PRKN: variants seen among roughly 807,000 people sequenced by gnomAD.
PRKN encodes the protein E3 ubiquitin-protein ligase parkin.
In PRKN, 56 loss-of-function variants were observed where a neutral mutation model predicts 59.5. The observed-to-expected ratio is 0.94, with a 90% CI of 0.76 to 1.18. The LOEUF (loss-of-function observed/expected upper bound fraction) is 1.18, where lower values mean the gene tolerates loss of function less well. Ranked by LOEUF, PRKN falls within the 50% of genes most tolerant of loss-of-function variation. The pLI is 0.00. For synonymous variants in PRKN, 250 were observed against 222.1 expected (o/e 1.13, Z -1.12); for missense variants, 657 against 596.4 (o/e 1.10, Z -1.06).
chr6:161,695,726 C>T (rs1292957678), intron 7 of PRKN, among the ~76,000 whole-genome samples: 4 of 152,066 alleles, frequency 2.6e-5, no homozygotes, highest in Non-Finnish European at 5.9e-5. Flanking sequence ...AGATGAGAGA[C>T]AGGGTGAGGA....
At position 161,579,156 on chromosome 6, in the gene PRKN, G is replaced by A. The variant is rs183550154; in HGVS notation, c.872-9740C>T. Among the ~76,000 whole-genome samples the A allele has an allele frequency of 2.1e-3, 314 of 152,350 alleles. 2 individuals are homozygous for A. Among genetic ancestry groups the A allele is most frequent in the African/African-American group, 7.1e-3 (297 of 41,582 alleles). On this transcript the variant is annotated intron_variant, in intron 7 of 11. Coordinates refer to ENST00000366898, the MANE Select transcript of PRKN (RefSeq NM_004562.3). The surrounding 1 kb of genome is among the most constrained non-coding windows in gnomAD (Gnocchi z 4.2). ...GAAAGGAAAGGGAGGAAGTGAAGGA[G>A]ATGGAATTTTGTGCTCTCTTTAATA...
intron 6 of PRKN, among the ~76,000 whole-genome samples, chr6:161,814,539 G>A (rs1192845780): frequency 6.6e-6 from 1 of 152,200 alleles, no homozygotes; most frequent in East Asian, 1.9e-4. Flanking sequence ...TTTCACTCTT[G>A]TTGCCCAGGC....
At chr6:161,698,665 T>C (rs773155388) in intron 7 of PRKN, among the ~76,000 whole-genome samples, 1 of 152,088 alleles carries the variant, frequency 6.6e-6, no homozygotes, top group Non-Finnish European at 1.5e-5. Flanking sequence ...ACCTCACATA[T>C]ATGGACAATT....
At chr6:161,858,857 A>ATTTTTTTTTTTTT (rs1491531194) in intron 6 of PRKN, among the ~76,000 whole-genome samples, 1 of 55,962 alleles carries the variant, frequency 1.8e-5, no homozygotes, top group South Asian at 7.0e-4. Flanking sequence ...GCACAGCTGT[A>ATTTTTTTTTTTTT]CTTTTTTTTT....
rs1232221488 is a variant in PRKN, at chr6:161,545,251, T to C, written c.1083+3603A>G. 5.7e-6 allele frequency: 8 copies of C among 1,395,026 alleles called. No homozygotes were observed. The East Asian group carries it at 1.8e-4, about 32-fold the overall frequency. The allele number at this position is 1,395,026 out of a possible 1,614,324, so 86.4% of individuals were successfully genotyped here. On this transcript the variant is annotated intron_variant, in intron 9 of 11. Coordinates refer to ENST00000366898, the MANE Select transcript of PRKN (RefSeq NM_004562.3). This position sits in a 1 kb window ranked among gnomAD's most constrained non-coding sequence, Gnocchi z 4.1. ...TTAAGCACGGGTGAATTCACAGGCA[T>C]CTTACAATAAATCTGTGAACCACAT...
At chr6:161,472,101 T>C (rs1790821472) in intron 9 of PRKN, among the ~76,000 whole-genome samples, 1 of 152,208 alleles carries the variant, frequency 6.6e-6, no homozygotes, top group South Asian at 2.1e-4. Flanking sequence ...GTAGAGTTGG[T>C]AATCTTCTTC....
chr6:161,867,526 T>C (rs1264271648), intron 6 of PRKN, among the ~76,000 whole-genome samples: 1 of 152,112 alleles, frequency 6.6e-6, no homozygotes. Context: ...TTCTAAATTA[T>C]GGAAAAGCAG....
At chr6:162,049,894 C>T (rs1356431806) in intron 5 of PRKN, among the ~76,000 whole-genome samples, 1 of 152,148 alleles carries the variant, frequency 6.6e-6, no homozygotes, top group Non-Finnish European at 1.5e-5. Context: ...TAAGCTTGTA[C>T]TGCAGGAGCC....
chr6:162,467,768 A>G (rs1345120899), intron 1 of PRKN, among the ~76,000 whole-genome samples: 1 of 152,058 alleles, frequency 6.6e-6, no homozygotes, highest in Admixed American at 6.5e-5. Context: ...ACAGGGCTGC[A>G]CGGCCTGGCT....
intron 7 of PRKN, 29 bp downstream of exon 7, chr6:161,785,743 G>T (rs781149200): frequency 5.0e-6 from 8 of 1,610,040 alleles, no homozygotes; most frequent in Non-Finnish European, 5.9e-6. Flanking sequence ...ATTAGCATTA[G>T]AGATGGAGAG....
At chr6:161,449,354 AAAG>A (rs1185093143) in intron 9 of PRKN, among the ~76,000 whole-genome samples, 1 of 152,174 alleles carries the variant, frequency 6.6e-6, no homozygotes, top group Admixed American at 6.5e-5. Context: ...ACATAAACTC[AAAG>A]AAGGTTTCAA....
rs766523228 is a variant in PRKN at position 161,386,775 on chromosome 6, T to C, written c.1167+19A>G. ...GTATCCGGAGCCCTGCTTGGAGGAA[T>C]GAGTAGGGCATTCTGTACCTGAGTA... On this transcript the variant is annotated intron_variant, in intron 10 of 11. Coordinates refer to ENST00000366898, the MANE Select transcript of PRKN (RefSeq NM_004562.3). This position sits in a 1 kb window ranked among gnomAD's most constrained non-coding sequence, Gnocchi z 4.3. 5 of 1,574,960 alleles carry C rather than the reference T, an allele frequency of 3.2e-6. No homozygotes were observed. Among genetic ancestry groups the C allele is most frequent in the African/African-American group, 2.7e-5 (2 of 74,180 alleles).
chr6:161,883,688 C>T (rs1032703148), intron 6 of PRKN, among the ~76,000 whole-genome samples: 1 of 151,892 alleles, frequency 6.6e-6, no homozygotes, highest in Non-Finnish European at 1.5e-5. Flanking sequence ...CTCACTCTGT[C>T]GCCCAGGCCA....
At position 161,525,598 on chromosome 6, in the gene PRKN, G is replaced by A. The variant is rs1778987738; in HGVS notation, c.1083+23256C>T. Among the ~76,000 whole-genome samples, 1 of 152,184 alleles carries A rather than the reference G, an allele frequency of 6.6e-6. No homozygotes were observed. The highest frequency in any genetic ancestry group is 2.1e-4 in the South Asian group (1 of 4,830). ...AGAGGAAAAGTTTAGTTTATGAGAA[G>A]GCTGTAGGAGGCAGTTCCCGGAGCC... On this transcript the variant is annotated intron_variant, in intron 9 of 11. Transcript: ENST00000366898. This position sits in a 1 kb window ranked among gnomAD's most constrained non-coding sequence, Gnocchi z 4.7.
chr6:161,972,585 G>A (rs1348270013), intron 6 of PRKN, among the ~76,000 whole-genome samples: 1 of 152,106 alleles, frequency 6.6e-6, no homozygotes, highest in Non-Finnish European at 1.5e-5. Flanking sequence ...GAAATAACAA[G>A]GTCCCAAACT....
rs73785311 is a variant in PRKN, at chr6:162,002,886, T to G, written c.619-29469A>C. ...ATTTATTATTTGACTCATGTGTTACTGAGAAGTTTGTGTTTAATTTCCACG... is the reference window on the plus strand; with the variant it reads ...ATTTATTATTTGACTCATGTGTTACGGAGAAGTTTGTGTTTAATTTCCACG... On this transcript the variant is annotated intron_variant, in intron 5 of 11. Transcript: ENST00000366898. Among the ~76,000 whole-genome samples the G allele has an allele frequency of 2.3e-3, 353 of 152,274 alleles. 4 individuals are homozygous for G. The highest frequency in any genetic ancestry group is 8.1e-3 in the African/African-American group (336 of 41,564).
chr6:161,835,681 G>A (rs994032336), intron 6 of PRKN, among the ~76,000 whole-genome samples: 1 of 152,216 alleles, frequency 6.6e-6, no homozygotes, highest in African/African-American at 2.4e-5. Flanking sequence ...AGGCACAAGT[G>A]CAAACTTTGC....
chr6:162,103,451 C>T (rs534811489), intron 4 of PRKN, among the ~76,000 whole-genome samples: 31 of 152,066 alleles, frequency 2.0e-4, no homozygotes, highest in African/African-American at 4.6e-4. Context: ...TCTTATAATA[C>T]GGACGCAATG....
intron 2 of PRKN, among the ~76,000 whole-genome samples, chr6:162,319,191 G>C (rs1782878681): frequency 6.6e-6 from 1 of 151,558 alleles, no homozygotes; most frequent in African/African-American, 2.4e-5. Context: ...AAGTAAACTA[G>C]TAAATTGGTT....
Sources: gnomAD v4.1 joint callset for allele counts (sites outside exome capture counted in the v4.1 genomes callset) on GRCh38, gnomAD v4.1.1 for gene constraint, Gnocchi (gnomAD v3.1) non-coding constraint, MANE v1.5 for transcripts, NCBI Gene and HGNC (gene_info 2026-07-23, HGNC 2026-07-21) for gene names.